The following EXOSC10 variants were observed in gnomAD, a reference collection of about 807,000 sequenced individuals.
EXOSC10 encodes exosome component 10, also known as exosome complex component 10.
In EXOSC10, 94 loss-of-function variants were observed where a neutral mutation model predicts 126.6. The ratio of observed to expected loss-of-function variants is 0.74; its 90% CI spans 0.63 to 0.88. The LOEUF is 0.88. Among genes scored for constraint, EXOSC10 ranks in the 40% least tolerant of loss-of-function variants. The pLI, the probability that EXOSC10 is intolerant of heterozygous loss-of-function variation, is 0.00. For synonymous variants in EXOSC10, 395 were observed against 400.8 expected, an observed-to-expected ratio of 0.99 and a Z score of 0.17; for missense variants, 1,041 against 1,100.5, an observed-to-expected ratio of 0.95 and a Z score of 0.77.
chr1:11,066,879 C>G lies in EXOSC10; in HGVS notation c.2628-131G>C, dbSNP rs945160285. 4.9e-6 allele frequency: 5 copies of G among 1,027,764 alleles called. No individual in the cohort carries two copies. In the Admixed American group the frequency reaches 9.5e-5, roughly 20 times the overall value. 63.7% of individuals were successfully genotyped at this position (1,027,764 alleles called of 1,614,324 possible). On this transcript the variant is annotated intron_variant, in intron 24 of 24. Coordinates refer to ENST00000376936, the MANE Select transcript of EXOSC10 (RefSeq NM_001001998.3). ...TGGTTTGCTCAGGGGCCCCAGAGAA[C>G]TCGGCGGCCCACCAGAGTTGGCTGA...
chr1:11,090,930 A>G, intron 5 of EXOSC10, 84 bp downstream of exon 5: 1 of 1,422,622 alleles, frequency 7.0e-7, no homozygotes, highest in Non-Finnish European at 9.6e-7. Flanking sequence ...CCCTTTGAAC[A>G]AAGAAGAGAG....
At chr1:11,093,839 G>A (rs371356699) in intron 3 of EXOSC10, among the ~76,000 whole-genome samples, 1 of 152,136 alleles carries the variant, frequency 6.6e-6, no homozygotes, top group Non-Finnish European at 1.5e-5. Flanking sequence ...GCTGAGGTGG[G>A]GGGGGATTGT....
intron 21 of EXOSC10, among the ~76,000 whole-genome samples, chr1:11,070,361 A>G (rs1318348): frequency 0.6 from 90,909 of 150,684 alleles, 30,736 homozygotes; most frequent in East Asian, 0.79. Context: ...TCCACCAAAA[A>G]CAATAACAAA....
At position 11,082,679 on chromosome 1, in the gene EXOSC10, C is replaced by G; in HGVS notation, c.1280+9G>C. On this transcript the variant is annotated intron_variant, in intron 10 of 24. Transcript: ENST00000376936. Reference sequence around the variant, plus strand: ...GCCACCCACATTTCCTCAGTAAGAGCAAACTGACCGTATTCTCCAATCAGC... The same window carrying G: ...GCCACCCACATTTCCTCAGTAAGAGGAAACTGACCGTATTCTCCAATCAGC... The G allele has an allele frequency of 1.9e-6, 3 of 1,613,888 alleles. No homozygotes were observed. Among genetic ancestry groups the G allele is most frequent in the Non-Finnish European group, 1.7e-6 (2 of 1,179,786 alleles).
chr1:11,076,728 C>A, intron 17 of EXOSC10, 114 bp downstream of exon 17: 1 of 822,280 alleles, frequency 1.2e-6, no homozygotes, highest in African/African-American at 1.7e-5. Context: ...CTGGGTTTTG[C>A]TCTCAGCATT....
chr1:11,098,720 A>T (rs769682881), intron 1 of EXOSC10, among the ~76,000 whole-genome samples: 1 of 152,244 alleles, frequency 6.6e-6, no homozygotes, highest in South Asian at 2.1e-4. Context: ...CGACAAATTT[A>T]TAACAGCTAC....
intron 3 of EXOSC10, among the ~76,000 whole-genome samples, chr1:11,093,171 C>G (rs1162921962): frequency 6.6e-6 from 1 of 152,162 alleles, no homozygotes; most frequent in Non-Finnish European, 1.5e-5. Flanking sequence ...GCAGGTAGGA[C>G]AGTAATTACC....
chr1:11,087,986 G>A (rs1640594665), intron 7 of EXOSC10, 76 bp from the exon 8 acceptor site: 2 of 1,267,504 alleles, frequency 1.6e-6, no homozygotes, highest in Non-Finnish European at 2.3e-6. Flanking sequence ...TGAACTACAA[G>A]TTTGAGAAAT....
chr1:11,072,190 T>C lies in EXOSC10; in HGVS notation c.2158-19A>G, dbSNP rs1639543823. ...TGCTGATCTATAATGAAAGCAAATA[T>C]AACAAAAAAAACCCTCCAAAGTCAG... On this transcript the variant is annotated intron_variant, in intron 19 of 24. Coordinates refer to ENST00000376936, the MANE Select transcript of EXOSC10 (RefSeq NM_001001998.3). The C allele has an allele frequency of 1.9e-6, 3 of 1,590,134 alleles. No homozygotes were observed. Among genetic ancestry groups the C allele is most frequent in the Middle Eastern group, 3.3e-4 (2 of 5,988 alleles).
intron 21 of EXOSC10, 57 bp from the exon 22 acceptor site, chr1:11,069,787 C>T (rs531118281): frequency 6.3e-7 from 1 of 1,582,860 alleles, no homozygotes; most frequent in Non-Finnish European, 8.6e-7. Flanking sequence ...GAACAGGGAA[C>T]TCCACCGGCC....
At chr1:11,071,964 C>G in intron 20 of EXOSC10, 123 bp downstream of exon 20, 1 of 747,786 alleles carries the variant, frequency 1.3e-6, no homozygotes, top group South Asian at 1.7e-5. Context: ...CCCACCATCC[C>G]TCAGCAGAAG....
rs35412224 is a variant in EXOSC10, at chr1:11,083,562, C to CAAAAA, written c.1090-689_1090-685dup. Among the ~76,000 whole-genome samples, 43 of 65,854 alleles carry CAAAAA rather than the reference C, an allele frequency of 6.5e-4. 1 individual carries two copies. Among genetic ancestry groups the CAAAAA allele is most frequent in the African/African-American group, 2.6e-3 (38 of 14,818 alleles). The allele number at this position is 65,854 out of a possible 152,430, so 43.2% of individuals were successfully genotyped here. ...GGGCAACAAGAGCAAAACTCCGTCT[C>CAAAAA]AAAAAAAAAAAAAAAAAAAAAAATT... On this transcript the variant is annotated intron_variant, in intron 9 of 24. Coordinates refer to ENST00000376936, the MANE Select transcript of EXOSC10 (RefSeq NM_001001998.3).
At chr1:11,068,543 T>A in intron 23 of EXOSC10, 102 bp downstream of exon 23, 6 of 875,866 alleles carry the variant, frequency 6.9e-6, no homozygotes, top group Non-Finnish European at 1.9e-6. Context: ...GAAAAAGATA[T>A]GCAAAGGAAT....
Position 11,068,654 on chromosome 1 carries a change from C to A in EXOSC10, c.2541G>T (p.Pro847=), listed in dbSNP as rs750151469. Residue 847 remains proline (P), a synonymous_variant, in exon 23 of 25, where the codon CCG becomes CCT. Coordinates refer to ENST00000376936, the MANE Select transcript of EXOSC10 (RefSeq NM_001001998.3). ...SSQFDPNKQT[P]SGKKCIAAKK... ...CAGGAGCAGTTCTTACCTTGCCAGA[C>A]GGGGTCTGTTTATTTGGATCAAACT... The A allele has an allele frequency of 6.2e-7, 1 of 1,613,974 alleles. No homozygotes were observed. The highest frequency in any genetic ancestry group is 8.5e-7 in the Non-Finnish European group (1 of 1,179,960).
chr1:11,068,053 G>T lies in EXOSC10; in HGVS notation c.2582C>A (p.Ser861Ter). The change falls in exon 24 of 25, where the codon TCG (serine) becomes TAG (stop). Residue 861 changes from serine (S) to a stop codon, truncating the protein, a stop_gained. Transcript: ENST00000376936. LOFTEE classifies it high-confidence loss of function. The stretch of plus-strand genomic sequence containing the variant: ...AAAGGACATGCTTTTGTTTCCCACC[G>T]ACTGTTTAATTTTTTTGGCTGCAAT... ...KCIAAKKIKQ[S>*]VGNKSMSFPT... 1.2e-6 allele frequency: 2 copies of T among 1,614,038 alleles called. No homozygotes were observed. Among genetic ancestry groups the T allele is most frequent in the Non-Finnish European group, 8.5e-7 (1 of 1,179,978 alleles).
rs1399941102 is a variant in EXOSC10 at position 11,095,790 on chromosome 1, C to T, written c.340G>A (p.Val114Ile). ...TELEDKFDLLVDANDVILERV... is the reference protein window; with the variant it reads ...TELEDKFDLLIDANDVILERV... ...TCCAGAATTACATCATTGGCATCAA[C>T]TAGTAAATCAAACTTGTCTTCCAGC... The change falls in exon 3 of 25, where the codon GTT becomes ATT. Residue 114 changes from valine to isoleucine, a missense_variant. By Grantham distance (29) the Val-to-Ile change is conservative. Around this residue, in one of 3 missense-constraint regions of EXOSC10, gnomAD observed 645 missense variants for 656.3 expected, o/e 0.98. Coordinates refer to ENST00000376936, the MANE Select transcript of EXOSC10 (RefSeq NM_001001998.3). 4 of 1,614,014 alleles carry T rather than the reference C, an allele frequency of 2.5e-6. No homozygotes were observed. Among genetic ancestry groups the T allele is most frequent in the Non-Finnish European group, 3.4e-6 (4 of 1,179,966 alleles).
intron 1 of EXOSC10, among the ~76,000 whole-genome samples, chr1:11,099,028 G>T (rs910107718): frequency 6.6e-6 from 1 of 152,214 alleles, no homozygotes; most frequent in African/African-American, 2.4e-5. Context: ...TGAATCAATA[G>T]CATTAGCTAA....
chr1:11,095,557 C>CA (rs569099914), intron 3 of EXOSC10: 2 of 413,736 alleles, frequency 4.8e-6, no homozygotes, highest in Non-Finnish European at 9.1e-6. Flanking sequence ...ACTAAAAATA[C>CA]AAAAAAATTA....
At chr1:11,088,870 G>A (rs1363877990) in intron 6 of EXOSC10, among the ~76,000 whole-genome samples, 1 of 152,146 alleles carries the variant, frequency 6.6e-6, no homozygotes, top group African/African-American at 2.4e-5. Flanking sequence ...TTTAAGTGAA[G>A]TTTTTCCAAG....
Sources: gnomAD v4.1 joint callset for allele counts (sites outside exome capture counted in the v4.1 genomes callset) on GRCh38, gnomAD v4.1.1 for gene constraint, gnomAD v4.1.1 regional missense constraint, MANE v1.5 for transcripts, NCBI Gene and HGNC (gene_info 2026-07-23, HGNC 2026-07-21) for gene names.